The following MPRIP variants were observed in gnomAD, a reference collection of about 807,000 sequenced individuals.
MPRIP encodes myosin phosphatase Rho interacting protein.
In MPRIP, 59 loss-of-function variants were observed where a neutral mutation model predicts 234.9. That is an observed-to-expected ratio of 0.25 (90% CI 0.20 to 0.31). The LOEUF (loss-of-function observed/expected upper bound fraction) is 0.31. MPRIP is among the 10% of genes least tolerant of loss of function. The pLI, the probability that MPRIP is intolerant of heterozygous loss-of-function variation, is 1.00. For missense variants in MPRIP, 2,436 were observed against 3,071.0 expected (o/e 0.79, Z 4.89); for synonymous variants, 1,144 against 1,263.9 (o/e 0.91, Z 2.01).
chr17:17,158,094 C>T (rs758371619), intron 13 of MPRIP, among the ~76,000 whole-genome samples: 31 of 152,168 alleles, frequency 2.0e-4, no homozygotes, highest in Non-Finnish European at 3.8e-4. Context: ...ACCCTGGCAA[C>T]GGGACCACCA....
Position 17,078,174 on chromosome 17 carries a change from G to A in MPRIP, c.267+98G>A. 8.0e-7 allele frequency: 1 copy of A among 1,252,584 alleles called. No homozygotes were observed. The highest frequency in any genetic ancestry group is 1.5e-5 in the African/African-American group (1 of 67,902). The allele number at this position is 1,252,584 out of a possible 1,614,324, so 77.6% of individuals were successfully genotyped here. On this transcript the variant is annotated intron_variant, in intron 3 of 23. Coordinates refer to ENST00000651222, the MANE Select transcript of MPRIP (RefSeq NM_001364716.4). The surrounding 1 kb of genome is among the most constrained non-coding windows in gnomAD (Gnocchi z 4.3). ...TCATGTGAGAGCACAGCAGCCATGTGCTCCTGCTTGTGTCTGTTTGGGAGT... is the reference window on the plus strand; with the variant it reads ...TCATGTGAGAGCACAGCAGCCATGTACTCCTGCTTGTGTCTGTTTGGGAGT...
rs923584314 is a variant in MPRIP, at chr17:17,186,181, G to C, written c.*1287G>C. 5.3e-5 allele frequency: 8 copies of C among 152,326 alleles called. No individual in the cohort carries two copies. The highest frequency in any genetic ancestry group is 5.2e-4 in the Admixed American group (8 of 15,296). 9.4% of individuals were successfully genotyped at this position (152,326 alleles called of 1,614,324 possible). A position where few individuals can be genotyped will look rare whatever the true frequency, so the allele number is the denominator to read the frequency against. ...TTAGGAGCAAGGTGGGGTGTGAGTA[G>C]ATGGTTTTCATGCCAAGAACATGCT... On this transcript the variant is annotated 3_prime_UTR_variant, in exon 24 of 24. Coordinates refer to ENST00000651222, the MANE Select transcript of MPRIP (RefSeq NM_001364716.4).
intron 3 of MPRIP, among the ~76,000 whole-genome samples, chr17:17,112,476 T>G (rs910672737): frequency 1.1e-4 from 17 of 152,070 alleles, no homozygotes; most frequent in Non-Finnish European, 4.4e-5. Context: ...TGCCATGGAG[T>G]TAAAGGATTT....
chr17:17,107,492 C>T (rs1030409233), intron 3 of MPRIP, among the ~76,000 whole-genome samples: 6 of 152,202 alleles, frequency 3.9e-5, no homozygotes, highest in African/African-American at 1.4e-4. Flanking sequence ...TGGCAGGTGC[C>T]TTGTGAGCCT....
chr17:17,167,428 G>A lies in MPRIP; in HGVS notation c.5837G>A (p.Gly1946Asp), dbSNP rs1461703701. 5.4e-6 allele frequency: 7 copies of A among 1,304,136 alleles called. No homozygotes were observed. In the Admixed American group the frequency reaches 6.9e-5, roughly 13 times the overall value. 80.8% of individuals were successfully genotyped at this position (1,304,136 alleles called of 1,614,324 possible). ...AGCATGAGCATGTTCACCCTGCGGGGCAGGTATGAGGAGGAGATTCGGTGT... is the reference window on the plus strand; with the variant it reads ...AGCATGAGCATGTTCACCCTGCGGGACAGGTATGAGGAGGAGATTCGGTGT... ...KHSMSMFTLR[G>D]RYEEEIRCVV... Residue 1946 changes from glycine (G) to aspartate (D), a missense_variant, in exon 16 of 24, where the codon GGC becomes GAC. Coordinates refer to ENST00000651222, the MANE Select transcript of MPRIP (RefSeq NM_001364716.4). The surrounding 1 kb of genome is among the most constrained non-coding windows in gnomAD (Gnocchi z 5.9).
chr17:17,151,424 G>C (rs1181545760), intron 12 of MPRIP, among the ~76,000 whole-genome samples: 1 of 152,152 alleles, frequency 6.6e-6, no homozygotes, highest in Admixed American at 6.5e-5. Context: ...CCTGATGTGG[G>C]GCAGTGCGCA....
chr17:17,091,634 T>C (rs779614607), intron 3 of MPRIP, among the ~76,000 whole-genome samples: 1 of 152,220 alleles, frequency 6.6e-6, no homozygotes, highest in African/African-American at 2.4e-5. Flanking sequence ...CAGTGCCCTT[T>C]TCACTACATC....
chr17:17,082,647 C>G (rs976703929), intron 3 of MPRIP, among the ~76,000 whole-genome samples: 1 of 152,162 alleles, frequency 6.6e-6, no homozygotes, highest in Non-Finnish European at 1.5e-5. Context: ...CCATCTTAAT[C>G]GTTTTTAAGT....
chr17:17,135,366 T>A (rs1464122484), intron 5 of MPRIP, among the ~76,000 whole-genome samples: 1 of 152,228 alleles, frequency 6.6e-6, no homozygotes, highest in Non-Finnish European at 1.5e-5. Context: ...TCTAGCTTTG[T>A]GTGTGAGCTT....
intron 17 of MPRIP, among the ~76,000 whole-genome samples, chr17:17,172,421 C>T (rs1468257038): frequency 1.3e-5 from 2 of 152,168 alleles, no homozygotes; most frequent in African/African-American, 4.8e-5. Context: ...TTAACAATGA[C>T]ATTTATTTAA....
At chr17:17,080,092 G>T (rs761374907) in intron 3 of MPRIP, among the ~76,000 whole-genome samples, 20 of 152,258 alleles carry the variant, frequency 1.3e-4, no homozygotes, top group Non-Finnish European at 2.5e-4. Context: ...GCCACGGGCT[G>T]CTTTCTGGCA....
Position 17,180,084 on chromosome 17 carries a change from C to T in MPRIP, c.7202C>T (p.Ser2401Phe). 1 of 1,587,144 alleles carries T rather than the reference C, an allele frequency of 6.3e-7. No individual in the cohort carries two copies. The highest frequency in any genetic ancestry group is 8.5e-7 in the Non-Finnish European group (1 of 1,172,150). Reference sequence around the variant, plus strand: ...ACCCGGCAACTCAGAAACATCAGGTCCAAGGTGAGTCTGGGGTCCAGCCCC... The same window carrying T: ...ACCCGGCAACTCAGAAACATCAGGTTCAAGGTGAGTCTGGGGTCCAGCCCC... Reference protein sequence around the residue: ...CVTRQLRNIRSKSLKEGLTVQ... With the variant: ...CVTRQLRNIRFKSLKEGLTVQ... The change falls in exon 23 of 24, where the codon TCC (serine) becomes TTC (phenylalanine). Residue 2401 changes from serine to phenylalanine, a missense_variant. By Grantham distance (155) the Ser-to-Phe change is radical. Transcript: ENST00000651222.
At chr17:17,075,597 C>T in intron 1 of MPRIP, 113 bp from the exon 2 acceptor site, 1 of 889,508 alleles carries the variant, frequency 1.1e-6, no homozygotes, top group South Asian at 1.5e-5. Flanking sequence ...GTGTCATGAC[C>T]TCTGCAGAGC....
In MPRIP at chr17:17,180,827, TAA is replaced by T. The variant is rs1403862466; in HGVS notation, c.7206+740_7206+741del. ...TGCTCTGGGGAGTTAATTGGCACTC[TAA>T]CCTCTTAACAGAGATGACCCTGGCA... is the stretch of plus-strand genomic sequence containing the variant. On this transcript the variant is annotated intron_variant, in intron 23 of 23. Coordinates refer to ENST00000651222, the MANE Select transcript of MPRIP (RefSeq NM_001364716.4). Among the ~76,000 whole-genome samples the T allele has an allele frequency of 2.0e-5, 3 of 152,360 alleles. No homozygotes were observed. In the East Asian group the frequency reaches 5.8e-4, roughly 29 times the overall value.
intron 1 of MPRIP, among the ~76,000 whole-genome samples, chr17:17,044,893 A>G (rs2088294731): frequency 6.6e-6 from 1 of 152,208 alleles, no homozygotes; most frequent in East Asian, 1.9e-4. Context: ...TGAAATAATG[A>G]GTGGGGTTAT....
At chr17:17,146,351 G>A (rs1228855071) in intron 10 of MPRIP, among the ~76,000 whole-genome samples, 2 of 152,208 alleles carry the variant, frequency 1.3e-5, no homozygotes, top group Admixed American at 6.5e-5. Flanking sequence ...GTGTTGGCCC[G>A]GCCTTAGGGA....
Position 17,142,328 on chromosome 17 carries a change from C to G in MPRIP, c.1251-299C>G, listed in dbSNP as rs963704504. The G allele has an allele frequency of 1.6e-5, 5 of 312,006 alleles. No individual in the cohort carries two copies. The East Asian group carries it at 3.5e-4, about 22-fold the overall frequency. The allele number at this position is 312,006 out of a possible 1,614,324, so 19.3% of individuals were successfully genotyped here. On this transcript the variant is annotated intron_variant, in intron 7 of 23. Coordinates refer to ENST00000651222, the MANE Select transcript of MPRIP (RefSeq NM_001364716.4). ...TTGCCTTTTGATCATGTCTGTGGCT[C>G]AGGAGAGGCTGCCGGGTGCCAAGCT...
intron 3 of MPRIP, among the ~76,000 whole-genome samples, chr17:17,119,823 A>C (rs996253987): frequency 1.3e-5 from 2 of 152,200 alleles, no homozygotes; most frequent in African/African-American, 4.8e-5. Flanking sequence ...AAAATAATAA[A>C]TACAGTGCAC....
chr17:17,148,403 C>G (rs1364657341), intron 11 of MPRIP, among the ~76,000 whole-genome samples: 1 of 152,150 alleles, frequency 6.6e-6, no homozygotes, highest in African/African-American at 2.4e-5. Flanking sequence ...ACTGATGGTG[C>G]AAAAGCAATG....
Sources: allele counts gnomAD v4.1 joint callset (sites outside exome capture counted in the v4.1 genomes callset), GRCh38; gene constraint gnomAD v4.1.1; non-coding constraint Gnocchi (gnomAD v3.1); transcripts MANE v1.5; gene names NCBI Gene and HGNC (gene_info 2026-07-23, HGNC 2026-07-21).